Variants in PHEX observed in about 807,000 individuals in gnomAD.
PHEX encodes phosphate-regulating neutral endopeptidase PHEX.
In PHEX, 16 loss-of-function variants were observed where a neutral mutation model predicts 68.0. The observed-to-expected ratio is 0.24, with a 90% CI of 0.16 to 0.36. The LOEUF is 0.36. PHEX is among the 10% of genes least tolerant of loss of function. The pLI is 1.00. For synonymous variants in PHEX, 208 were observed against 205.1 expected, an observed-to-expected ratio of 1.01 and a Z score of -0.12; for missense variants, 480 against 575.5, an observed-to-expected ratio of 0.83 and a Z score of 1.70.
intron 15 of PHEX, among the ~76,000 whole-genome samples, chrX:22,192,972 C>T (rs2078245642): frequency 9.0e-6 from 1 of 110,515 alleles, no homozygotes; most frequent in South Asian, 3.8e-4. Flanking sequence ...AAGCAGATGG[C>T]GGGATTTTTT....
At chrX:22,230,549 G>T (rs774643135) in intron 20 of PHEX, among the ~76,000 whole-genome samples, 24 of 109,631 alleles carry the variant, frequency 2.2e-4, no homozygotes, top group Middle Eastern at 4.7e-3. Flanking sequence ...ATTGTGAATG[G>T]GAGTTGACTC....
At chrX:22,225,009 G>C (rs1006065813) in intron 18 of PHEX, among the ~76,000 whole-genome samples, 3 of 108,775 alleles carry the variant, frequency 2.8e-5, no homozygotes, top group African/African-American at 1.0e-4. Context: ...AGTCTGACAT[G>C]GATCTCAGTG....
rs759265290 is a variant in PHEX at position 22,093,390 on chromosome X, T to A, written c.733-593T>A. Among the ~76,000 whole-genome samples the A allele has an allele frequency of 8.0e-5, 9 of 112,282 alleles. No homozygotes were observed. The South Asian group carries it at 3.3e-3, about 41-fold the overall frequency. ...AAGAAGGAAATTCTATATTTGCTAT[T>A]TGTTAGGTTTCCTATCATCGTTCCT... On this transcript the variant is annotated intron_variant, in intron 6 of 21. Coordinates refer to ENST00000379374, the MANE Select transcript of PHEX (RefSeq NM_000444.6).
chrX:22,225,096 T>C (rs1602409746), intron 18 of PHEX, among the ~76,000 whole-genome samples: 2 of 74,739 alleles, frequency 2.7e-5, no homozygotes, highest in Non-Finnish European at 5.4e-5. Context: ...TCGCCTTTTC[T>C]AGCTTTTAGA....
At chrX:22,147,473 A>C (rs1022349171) in intron 12 of PHEX, among the ~76,000 whole-genome samples, 2 of 110,672 alleles carry the variant, frequency 1.8e-5, no homozygotes, top group Non-Finnish European at 3.8e-5. Flanking sequence ...ATTTCCATTA[A>C]TAACCCCAGG....
chrX:22,249,570 A>G lies in PHEX; in HGVS notation c.*1617A>G, dbSNP rs1442725516. 9.9e-6 allele frequency: 1 copy of G among 100,828 alleles called. No homozygotes were observed. The highest frequency in any genetic ancestry group is 3.8e-5 in the African/African-American group (1 of 26,565). 8.3% of individuals were successfully genotyped at this position (100,828 alleles called of 1,213,427 possible). The stretch of plus-strand genomic sequence containing the variant: ...AGAAAAATGGAGGGGCACCATCATG[A>G]GGAAACAATTATACTGCATTAGTCA... On this transcript the variant is annotated 3_prime_UTR_variant, in exon 22 of 22. Coordinates refer to ENST00000379374, the MANE Select transcript of PHEX (RefSeq NM_000444.6).
At chrX:22,166,119 A>C (rs1373589687) in intron 12 of PHEX, among the ~76,000 whole-genome samples, 1 of 112,041 alleles carries the variant, frequency 8.9e-6, no homozygotes, top group Admixed American at 9.5e-5. Context: ...GAGGATAATT[A>C]GTACCTTTGT....
chrX:22,248,980 T>A lies in PHEX; in HGVS notation c.*1027T>A, dbSNP rs1031519097. ...CATTGAGGAGGGAGAAGTGTACCCT[T>A]CTTTTTCAGCTTAATGTTACCTCTC... On this transcript the variant is annotated 3_prime_UTR_variant, in exon 22 of 22. Coordinates refer to ENST00000379374, the MANE Select transcript of PHEX (RefSeq NM_000444.6). 14 of 110,541 alleles carry A rather than the reference T, an allele frequency of 1.3e-4. No homozygotes were observed. The highest frequency in any genetic ancestry group is 7.8e-4 in the Admixed American group (8 of 10,282). The allele number at this position is 110,541 out of a possible 1,213,427, so 9.1% of individuals were successfully genotyped here.
At chrX:22,168,456 A>G in intron 13 of PHEX, 67 bp downstream of exon 13, 1 of 694,956 alleles carries the variant, frequency 1.4e-6, no homozygotes, top group South Asian at 2.2e-5. Context: ...CCTTTCAACT[A>G]ACCCAAGTCC....
At chrX:22,091,608 C>T (rs888430720) in intron 6 of PHEX, among the ~76,000 whole-genome samples, 2 of 111,857 alleles carry the variant, frequency 1.8e-5, no homozygotes, top group Non-Finnish European at 3.8e-5. Flanking sequence ...GCTCCCAAGA[C>T]AGGGTCTAAA....
chrX:22,195,244 A>G (rs146935065), intron 15 of PHEX, among the ~76,000 whole-genome samples: 1 of 112,125 alleles, frequency 8.9e-6, no homozygotes, highest in East Asian at 2.8e-4. Flanking sequence ...TTGTGTCACA[A>G]GACAAACAGC....
chrX:22,177,500 C>T (rs746865473), intron 13 of PHEX, among the ~76,000 whole-genome samples: 1 of 111,248 alleles, frequency 9.0e-6, no homozygotes, highest in Non-Finnish European at 1.9e-5. Context: ...GATGGAGTGC[C>T]TATAGAATGG....
intron 12 of PHEX, among the ~76,000 whole-genome samples, chrX:22,136,742 G>C (rs1361918313): frequency 8.9e-6 from 1 of 111,829 alleles, no homozygotes; most frequent in Non-Finnish European, 1.9e-5. Context: ...ATGGAAGTGT[G>C]TGGATGTGGC....
chrX:22,165,231 T>G (rs1156342344), intron 12 of PHEX, among the ~76,000 whole-genome samples: 2 of 111,674 alleles, frequency 1.8e-5, no homozygotes, highest in African/African-American at 6.5e-5. Context: ...TGCCTAGGTC[T>G]TATGTTGGGT....
Position 22,227,522 on chromosome X carries a change from A to G in PHEX, c.1981A>G (p.Ile661Val), listed in dbSNP as rs774626712. The G allele has an allele frequency of 1.7e-6, 2 of 1,202,409 alleles. No homozygotes were observed. The highest frequency in any genetic ancestry group is 2.2e-5 in the Admixed American group (1 of 46,025). Residue 661 changes from isoleucine (I) to valine (V), a missense_variant, in exon 20 of 22, where the codon ATA (isoleucine) becomes GTA (valine). By Grantham distance (29) the Ile-to-Val change is conservative. Transcript: ENST00000379374. ...CTCTCACCAGGCTTACAGGAAATGG[A>G]TAAATGACAGAAGGCAGGGACTTGA... ...REAFRAYRKW[I>V]NDRRQGLEEP...
chrX:22,236,740 C>CG (rs1407020551), intron 20 of PHEX, among the ~76,000 whole-genome samples: 2 of 112,182 alleles, frequency 1.8e-5, no homozygotes, highest in African/African-American at 6.5e-5. Context: ...TACCATCTGT[C>CG]TCTTTTCAGA....
intron 12 of PHEX, among the ~76,000 whole-genome samples, chrX:22,138,081 C>T (rs1352656952): frequency 8.9e-6 from 1 of 112,394 alleles, no homozygotes; most frequent in African/African-American, 3.2e-5. Context: ...TCTTTCTCTA[C>T]ATATTTCCTC....
At chrX:22,118,094 C>T (rs1335750585) in intron 11 of PHEX, among the ~76,000 whole-genome samples, 3 of 111,315 alleles carry the variant, frequency 2.7e-5, no homozygotes, top group South Asian at 7.5e-4. Context: ...CAAATGAATA[C>T]AGTCAGAAGC....
chrX:22,149,333 A>G (rs1932793922), intron 12 of PHEX, among the ~76,000 whole-genome samples: 1 of 112,521 alleles, frequency 8.9e-6, no homozygotes, highest in Admixed American at 9.4e-5. Flanking sequence ...GCCGAGGACA[A>G]CAGTGAGATT....
Sources: gnomAD v4.1 joint callset for allele counts (sites outside exome capture counted in the v4.1 genomes callset) on GRCh38, gnomAD v4.1.1 for gene constraint, MANE v1.5 for transcripts, NCBI Gene and HGNC (gene_info 2026-07-23, HGNC 2026-07-21) for gene names.